CSMD1: variants seen among roughly 807,000 people sequenced by gnomAD.
CSMD1 encodes CUB and Sushi multiple domains 1.
Under a neutral mutation model 417.5 loss-of-function variants are expected in CSMD1, and 213 were observed. That is an observed-to-expected ratio of 0.51 (90% CI 0.46 to 0.57). The LOEUF (loss-of-function observed/expected upper bound fraction) is 0.57, where lower values mean the gene tolerates loss of function less well. Ranked by LOEUF, CSMD1 falls within the 20% of genes least tolerant of loss-of-function variation. The pLI is 0.00. For missense variants in CSMD1, 6,923 were observed against 4,529.7 expected (o/e 1.53, Z -15.17); for synonymous variants, 2,862 against 1,736.8 (o/e 1.65, Z -16.11).
chr8:4,861,342 T>G (rs1297498528), intron 1 of CSMD1, among the ~76,000 whole-genome samples: 1 of 152,216 alleles, frequency 6.6e-6, no homozygotes, highest in South Asian at 2.1e-4. Flanking sequence ...AAGCTTGACA[T>G]TTCAGGCTTT....
chr8:4,961,343 A>C (rs1809469194), intron 1 of CSMD1, among the ~76,000 whole-genome samples: 1 of 152,056 alleles, frequency 6.6e-6, no homozygotes, highest in Non-Finnish European at 1.5e-5. Flanking sequence ...CTTTTCAAAC[A>C]TTCTTTCAAC....
chr8:4,372,128 G>A (rs980926524), intron 3 of CSMD1, among the ~76,000 whole-genome samples: 4 of 152,302 alleles, frequency 2.6e-5, no homozygotes, highest in African/African-American at 4.8e-5. Context: ...CTGAATATTA[G>A]CATTTTTCTA....
intron 3 of CSMD1, among the ~76,000 whole-genome samples, chr8:4,298,510 C>T (rs1028402009): frequency 3.9e-5 from 6 of 152,046 alleles, no homozygotes; most frequent in African/African-American, 1.4e-4. Context: ...CTTAAAAGCC[C>T]TGACTTGACC....
intron 2 of CSMD1, among the ~76,000 whole-genome samples, chr8:4,438,781 T>C (rs1275511335): frequency 6.6e-6 from 1 of 152,224 alleles, no homozygotes; most frequent in Non-Finnish European, 1.5e-5. Context: ...GAATCACAAG[T>C]GCTTGAAGGA....
Position 4,054,189 on chromosome 8 carries a change from G to A in CSMD1, c.416-22090C>T, listed in dbSNP as rs75173201. ...ACCATCAAGATTTCACAGAACGCAC[G>A]GCCATGAGAAGAAATGATTTGGCGC... On this transcript the variant is annotated intron_variant, in intron 3 of 69. Coordinates refer to ENST00000635120, the MANE Select transcript of CSMD1 (RefSeq NM_033225.6). Among the ~76,000 whole-genome samples the A allele has an allele frequency of 7.9e-3, 1,207 of 152,212 alleles. 20 individuals carry two copies. The highest frequency in any genetic ancestry group is 0.028 in the African/African-American group (1,150 of 41,538).
chr8:3,060,024 T>C (rs1017875042), intron 49 of CSMD1, among the ~76,000 whole-genome samples: 1 of 152,282 alleles, frequency 6.6e-6, no homozygotes, highest in Non-Finnish European at 1.5e-5. Flanking sequence ...GTGAAGACCA[T>C]GAAGTATTTC....
intron 10 of CSMD1, among the ~76,000 whole-genome samples, chr8:3,538,774 G>A (rs145085699): frequency 9.9e-5 from 15 of 152,188 alleles, no homozygotes; most frequent in African/African-American, 3.6e-4. Flanking sequence ...TATCCTACTC[G>A]GGAAGCCACA....
chr8:4,310,787 G>A (rs17069869), intron 3 of CSMD1, among the ~76,000 whole-genome samples: 1 of 152,098 alleles, frequency 6.6e-6, no homozygotes, highest in South Asian at 2.1e-4. Flanking sequence ...CCTTACCAAA[G>A]GAAGAAATTC....
At chr8:4,176,916 C>A (rs1215340126) in intron 3 of CSMD1, among the ~76,000 whole-genome samples, 1 of 149,102 alleles carries the variant, frequency 6.7e-6, no homozygotes, top group East Asian at 2.0e-4. Flanking sequence ...ACAGGAGCAC[C>A]CAGATTCATA....
chr8:3,370,601 T>A (rs183933840), intron 18 of CSMD1, among the ~76,000 whole-genome samples: 1 of 152,188 alleles, frequency 6.6e-6, no homozygotes, highest in Non-Finnish European at 1.5e-5. Flanking sequence ...AGAATTTGAG[T>A]CAGTGGACTG....
chr8:4,327,499 A>G (rs1343247784), intron 3 of CSMD1, among the ~76,000 whole-genome samples: 1 of 152,112 alleles, frequency 6.6e-6, no homozygotes, highest in Non-Finnish European at 1.5e-5. Context: ...CTCTGTGCTG[A>G]GTGCCTTTCT....
intron 1 of CSMD1, among the ~76,000 whole-genome samples, chr8:4,829,438 A>C (rs1800014163): frequency 6.6e-6 from 1 of 152,166 alleles, no homozygotes; most frequent in Non-Finnish European, 1.5e-5. Flanking sequence ...ATCTCAACTC[A>C]GCAGTAGAAA....
At position 3,994,867 on chromosome 8, in the gene CSMD1, C is replaced by G. The variant is rs545501461; in HGVS notation, c.818+3036G>C. ...CTAACAATTTTCCAAGTAGCTTCTT[C>G]TGAGAGTGCCCTTGCTTATATGCCC... On this transcript the variant is annotated intron_variant, in intron 5 of 69. Coordinates refer to ENST00000635120, the MANE Select transcript of CSMD1 (RefSeq NM_033225.6). 3.2e-4 allele frequency among the ~76,000 whole-genome samples: 49 copies of G among 152,264 alleles called. 1 individual carries two copies. Among genetic ancestry groups the G allele is most frequent in the African/African-American group, 1.2e-3 (49 of 41,548 alleles).
At chr8:3,966,996 G>T (rs545911054) in intron 5 of CSMD1, among the ~76,000 whole-genome samples, 1 of 152,138 alleles carries the variant, frequency 6.6e-6, no homozygotes, top group South Asian at 2.1e-4. Flanking sequence ...ATCTTCCACT[G>T]TAGAGTGTCA....
intron 2 of CSMD1, among the ~76,000 whole-genome samples, chr8:4,621,541 T>C (rs1452022502): frequency 2.0e-5 from 3 of 152,120 alleles, no homozygotes; most frequent in South Asian, 2.1e-4. Context: ...ATCTAGAATA[T>C]ACATTGAATT....
intron 7 of CSMD1, among the ~76,000 whole-genome samples, chr8:3,682,939 C>G (rs182026309): frequency 6.6e-6 from 1 of 152,020 alleles, no homozygotes. Flanking sequence ...AACTATCTAT[C>G]GCAAGGACCA....
At chr8:3,497,831 T>C (rs1796430674) in intron 10 of CSMD1, among the ~76,000 whole-genome samples, 1 of 152,210 alleles carries the variant, frequency 6.6e-6, no homozygotes, top group Admixed American at 6.5e-5. Flanking sequence ...TGTGGTTTGG[T>C]GGTTTTCTGT....
chr8:4,306,424 G>T (rs956758924), intron 3 of CSMD1, among the ~76,000 whole-genome samples: 1 of 152,132 alleles, frequency 6.6e-6, no homozygotes, highest in Non-Finnish European at 1.5e-5. Context: ...CAGTATCATC[G>T]TGAAAGTTCA....
chr8:4,067,250 T>A lies in CSMD1; in HGVS notation c.416-35151A>T, dbSNP rs1799300547. Among the ~76,000 whole-genome samples the A allele has an allele frequency of 2.0e-5, 3 of 152,222 alleles. No homozygotes were observed. The South Asian group carries it at 6.2e-4, about 32-fold the overall frequency. On this transcript the variant is annotated intron_variant, in intron 3 of 69. Coordinates refer to ENST00000635120, the MANE Select transcript of CSMD1 (RefSeq NM_033225.6). ...GAAGTCAGATGTTCAAGACAGATAA[T>A]TATGAAAACTAAGAATCATAGCCGA...
Sources: allele counts gnomAD v4.1 joint callset (sites outside exome capture counted in the v4.1 genomes callset), GRCh38; gene constraint gnomAD v4.1.1; transcripts MANE v1.5; gene names NCBI Gene and HGNC (gene_info 2026-07-23, HGNC 2026-07-21).